NCK2: variants seen among roughly 807,000 people sequenced by gnomAD.
NCK2 encodes the protein cytoplasmic protein NCK2.
NCK2 carries 16 observed loss-of-function variants against 33.9 expected under a neutral mutation model. The observed-to-expected ratio is 0.47, with a 90% confidence interval of 0.32 to 0.72. NCK2 has a LOEUF of 0.72. NCK2 is among the 30% of genes least tolerant of loss of function. The probability of loss-of-function intolerance (pLI) is 0.03; values close to 1 mark genes in which losing one functional copy is unlikely to be tolerated. For missense variants in NCK2, 418 were observed against 537.3 expected, an observed-to-expected ratio of 0.78 and a Z score of 2.19; for synonymous variants, 273 against 239.9, an observed-to-expected ratio of 1.14 and a Z score of -1.27.
intron 1 of NCK2, among the ~76,000 whole-genome samples, chr2:105,806,290 T>C (rs1381901666): frequency 2.0e-5 from 3 of 148,698 alleles, no homozygotes; most frequent in Non-Finnish European, 3.0e-5. Context: ...CAGTCTGCAG[T>C]GCAGTGGCAC....
intron 1 of NCK2, among the ~76,000 whole-genome samples, chr2:105,767,777 C>T (rs1689994894): frequency 6.6e-6 from 1 of 152,124 alleles, no homozygotes; most frequent in South Asian, 2.1e-4. Flanking sequence ...TCCGTGCCCG[C>T]ACCTGGGAAA....
intron 1 of NCK2, among the ~76,000 whole-genome samples, chr2:105,750,234 G>C (rs1232813116): frequency 6.6e-6 from 1 of 152,126 alleles, no homozygotes; most frequent in Non-Finnish European, 1.5e-5. Context: ...CCTTCTGTGA[G>C]TGCACTGAGA....
intron 4 of NCK2, among the ~76,000 whole-genome samples, chr2:105,891,109 CA>C (rs1484654371): frequency 6.6e-6 from 1 of 152,242 alleles, no homozygotes; most frequent in Non-Finnish European, 1.5e-5. Context: ...CTCCTGCCCC[CA>C]CACGCACTTA....
intron 3 of NCK2, among the ~76,000 whole-genome samples, chr2:105,875,485 A>G (rs1343324477): frequency 6.6e-6 from 1 of 152,218 alleles, no homozygotes; most frequent in Non-Finnish European, 1.5e-5. Context: ...AAGCTGCCTC[A>G]GATCGTGTTC....
intron 3 of NCK2, among the ~76,000 whole-genome samples, chr2:105,875,031 T>G (rs1558881642): frequency 1.3e-5 from 2 of 152,196 alleles, no homozygotes; most frequent in Admixed American, 6.5e-5. Flanking sequence ...TTACCTGCAG[T>G]ACACATGTTA....
At chr2:105,793,672 C>T (rs1024302475) in intron 1 of NCK2, among the ~76,000 whole-genome samples, 3 of 152,208 alleles carry the variant, frequency 2.0e-5, no homozygotes, top group African/African-American at 7.2e-5. Context: ...TGTATTTTTA[C>T]CCACTGCAGT....
At chr2:105,816,642 G>A (rs1252607100) in intron 2 of NCK2, 29 bp downstream of exon 2, 3 of 152,224 alleles carry the variant, frequency 2.0e-5, no homozygotes, top group Admixed American at 2.0e-4. Context: ...GCTTAAAACA[G>A]AAGTTGCAGC....
chr2:105,829,597 G>A (rs535935205), intron 2 of NCK2, among the ~76,000 whole-genome samples: 1 of 152,106 alleles, frequency 6.6e-6, no homozygotes, highest in African/African-American at 2.4e-5. Flanking sequence ...GAGGAGTCGG[G>A]TATTTTTTAC....
chr2:105,772,359 G>C (rs949225165), intron 1 of NCK2, among the ~76,000 whole-genome samples: 1 of 152,082 alleles, frequency 6.6e-6, no homozygotes, highest in Non-Finnish European at 1.5e-5. Context: ...GCCTGTGTTT[G>C]GTCAGGATAA....
intron 1 of NCK2, among the ~76,000 whole-genome samples, chr2:105,751,686 A>G (rs1018936988): frequency 6.6e-6 from 1 of 152,222 alleles, no homozygotes; most frequent in African/African-American, 2.4e-5. Flanking sequence ...CTGTGCAGTA[A>G]TGGCAGGGCT....
At chr2:105,751,809 C>T (rs1439966318) in intron 1 of NCK2, among the ~76,000 whole-genome samples, 1 of 152,158 alleles carries the variant, frequency 6.6e-6, no homozygotes, top group East Asian at 1.9e-4. Flanking sequence ...TGGACTGTCT[C>T]CCTGCAAATG....
At chr2:105,787,371 A>G (rs1325442756) in intron 1 of NCK2, among the ~76,000 whole-genome samples, 1 of 152,150 alleles carries the variant, frequency 6.6e-6, no homozygotes, top group Non-Finnish European at 1.5e-5. Flanking sequence ...ATATTTGGAG[A>G]TGAGCCCTCT....
At chr2:105,889,625 C>G in intron 4 of NCK2, among the ~76,000 whole-genome samples, 1 of 144,098 alleles carries the variant, frequency 6.9e-6, no homozygotes, top group Middle Eastern at 3.5e-3. Context: ...ACTCTGTCAT[C>G]TAGGCTGGAG....
intron 1 of NCK2, among the ~76,000 whole-genome samples, chr2:105,795,481 T>C (rs2104435095): frequency 6.6e-6 from 1 of 152,318 alleles, no homozygotes; most frequent in South Asian, 2.1e-4. Flanking sequence ...GCTGCATAAA[T>C]ATTTGAGTCA....
intron 3 of NCK2, among the ~76,000 whole-genome samples, chr2:105,866,979 T>C (rs914829160): frequency 6.6e-6 from 1 of 152,162 alleles, no homozygotes; most frequent in Non-Finnish European, 1.5e-5. Flanking sequence ...GAGTTGAATG[T>C]TCTTCAGGAA....
chr2:105,865,385 A>G (rs1677705395), intron 3 of NCK2, among the ~76,000 whole-genome samples: 1 of 152,180 alleles, frequency 6.6e-6, no homozygotes, highest in Non-Finnish European at 1.5e-5. Context: ...TGGGACTGAC[A>G]TTTGAGCCCA....
chr2:105,863,695 G>C (rs1677635877), intron 3 of NCK2, among the ~76,000 whole-genome samples: 1 of 152,140 alleles, frequency 6.6e-6, no homozygotes, highest in Admixed American at 6.5e-5. Context: ...AACTAGGGCT[G>C]AGTTATGCAG....
intron 1 of NCK2, among the ~76,000 whole-genome samples, chr2:105,814,094 T>C (rs924250728): frequency 2.0e-5 from 3 of 152,258 alleles, no homozygotes; most frequent in Non-Finnish European, 2.9e-5. Context: ...GTGTATACTT[T>C]CCTGATGGAT....
chr2:105,868,743 C>T (rs943234109), intron 3 of NCK2, among the ~76,000 whole-genome samples: 67 of 152,214 alleles, frequency 4.4e-4, no homozygotes, highest in Non-Finnish European at 2.1e-4. Context: ...CTGCTATACA[C>T]AGTTACGTTT....
Sources: allele counts gnomAD v4.1 joint callset (sites outside exome capture counted in the v4.1 genomes callset), GRCh38; gene constraint gnomAD v4.1.1; transcripts MANE v1.5; gene names NCBI Gene and HGNC (gene_info 2026-07-23, HGNC 2026-07-21).